Variants in HMCN1 observed in about 807,000 individuals in gnomAD.
The protein encoded by HMCN1 is hemicentin-1.
In HMCN1, 321 loss-of-function variants were observed where a neutral mutation model predicts 625.9. The ratio of observed to expected loss-of-function variants is 0.51; its 90% confidence interval spans 0.47 to 0.56. HMCN1 has a LOEUF of 0.56. Ranked by LOEUF, HMCN1 falls within the 20% of genes least tolerant of loss-of-function variation. The pLI is 0.00. For missense variants in HMCN1, 6,588 were observed against 6,887.3 expected (o/e 0.96, Z 1.54); for synonymous variants, 2,425 against 2,417.6 (o/e 1.00, Z -0.09).
chr1:185,916,020 A>G (rs1666680347), intron 6 of HMCN1, among the ~76,000 whole-genome samples: 2 of 151,930 alleles, frequency 1.3e-5, no homozygotes, highest in Non-Finnish European at 2.9e-5. Flanking sequence ...ACACTTAGGT[A>G]CACATGCACA....
At position 185,991,712 on chromosome 1, in the gene HMCN1, T is replaced by TA. The variant is rs527701139; in HGVS notation, c.3377+1280dup. Among the ~76,000 whole-genome samples the TA allele has an allele frequency of 8.4e-3, 1,251 of 148,466 alleles. 12 individuals carry two copies. The highest frequency in any genetic ancestry group is 0.022 in the East Asian group (113 of 5,098). Reference sequence around the variant, plus strand: ...ATTCTGGTTTGTTTATTCTTTTTTTTAAAAAAAAAAACAAGGCTTTTCAGT... The same window carrying TA: ...ATTCTGGTTTGTTTATTCTTTTTTTTAAAAAAAAAAAACAAGGCTTTTCAGT... On this transcript the variant is annotated intron_variant, in intron 22 of 106. Coordinates refer to ENST00000271588, the MANE Select transcript of HMCN1 (RefSeq NM_031935.3).
At chr1:186,159,177 T>A (rs1470949941) in intron 97 of HMCN1, among the ~76,000 whole-genome samples, 1 of 152,104 alleles carries the variant, frequency 6.6e-6, no homozygotes, top group East Asian at 1.9e-4. Context: ...CTAGGTATTT[T>A]ATTCTCTTTG....
intron 86 of HMCN1, among the ~76,000 whole-genome samples, chr1:186,135,041 T>G (rs1649512485): frequency 6.6e-6 from 1 of 152,208 alleles, no homozygotes; most frequent in Non-Finnish European, 1.5e-5. Context: ...TCTCTCCAAG[T>G]GTTCTCCCCT....
chr1:185,923,641 A>C lies in HMCN1; in HGVS notation c.1273A>C (p.Ser425Arg), dbSNP rs766038716. The change falls in exon 8 of 107, where the codon AGT becomes CGT. Residue 425 changes from serine (S) to arginine (R), a missense_variant. Coordinates refer to ENST00000271588, the MANE Select transcript of HMCN1 (RefSeq NM_031935.3). ...GAGAGTATCAAGTGTTTCCTTTTCT[A>C]GTATTGTCCCAGGTGAGACATCATT... ...FQRVSSVSFS[S>R]IVPDAPKVTM... The C allele has an allele frequency of 6.2e-7, 1 of 1,603,270 alleles. No individual in the cohort carries two copies. Among genetic ancestry groups the C allele is most frequent in the African/African-American group, 1.3e-5 (1 of 74,852 alleles).
Position 186,055,136 on chromosome 1 carries a change from A to C in HMCN1, c.6863-257A>C, listed in dbSNP as rs536640338. On this transcript the variant is annotated intron_variant, in intron 44 of 106. Coordinates refer to ENST00000271588, the MANE Select transcript of HMCN1 (RefSeq NM_031935.3). Reference sequence around the variant, plus strand: ...GTTCAAATATTTGTATAGCTTCTCAAAAGTGGGAAGTTAGTGAACACAGCA... The same window carrying C: ...GTTCAAATATTTGTATAGCTTCTCACAAGTGGGAAGTTAGTGAACACAGCA... Among the ~76,000 whole-genome samples, 3 of 152,136 alleles carry C rather than the reference A, an allele frequency of 2.0e-5. No homozygotes were observed. In the South Asian group the frequency reaches 6.2e-4, roughly 32 times the overall value.
intron 1 of HMCN1, among the ~76,000 whole-genome samples, chr1:185,758,958 G>A (rs1655308952): frequency 6.6e-6 from 1 of 152,088 alleles, no homozygotes; most frequent in African/African-American, 2.4e-5. Flanking sequence ...GGGTATGCCT[G>A]CTAATATCAG....
intron 2 of HMCN1, among the ~76,000 whole-genome samples, chr1:185,859,729 G>C (rs892602658): frequency 6.6e-6 from 1 of 151,938 alleles, no homozygotes; most frequent in Non-Finnish European, 1.5e-5. Context: ...GTAGTGGTGC[G>C]ATCTCGATTC....
rs184285165 is a variant in HMCN1 at position 186,061,263 on chromosome 1, T to C, written c.7313-588T>C. On this transcript the variant is annotated intron_variant, in intron 46 of 106. Transcript: ENST00000271588. ...GGAGGCCTCAGGAAACTTAAAATTA[T>C]GGCAGAAGGGGAAGCAGGCACCTTC... Among the ~76,000 whole-genome samples, 41 of 152,248 alleles carry C rather than the reference T, an allele frequency of 2.7e-4. No individual in the cohort carries two copies. The East Asian group carries it at 5.8e-3, about 22-fold the overall frequency.
chr1:186,116,532 G>C (rs1355207759), intron 75 of HMCN1, among the ~76,000 whole-genome samples: 1 of 151,988 alleles, frequency 6.6e-6, no homozygotes, highest in Non-Finnish European at 1.5e-5. Context: ...ACACAGACTT[G>C]TCATTAGCCA....
intron 4 of HMCN1, among the ~76,000 whole-genome samples, chr1:185,905,991 T>C (rs1666077541): frequency 6.6e-6 from 1 of 151,864 alleles, no homozygotes; most frequent in South Asian, 2.1e-4. Flanking sequence ...TATCTAGGGA[T>C]TTAAAAAGCT....
chr1:185,982,180 C>T (rs1356074146), intron 17 of HMCN1, 82 bp from the exon 18 acceptor site: 1 of 1,317,056 alleles, frequency 7.6e-7, no homozygotes, highest in Non-Finnish European at 1.1e-6. Context: ...GCATAACTAA[C>T]AGTCTTTGGG....
At chr1:186,057,459 C>G (rs751971628) in intron 46 of HMCN1, 58 bp downstream of exon 46, 25 of 1,203,212 alleles carry the variant, frequency 2.1e-5, no homozygotes, top group Non-Finnish European at 3.1e-5. Flanking sequence ...TACAATTTCT[C>G]CTTAATTTCA....
chr1:185,891,743 A>T, intron 4 of HMCN1, among the ~76,000 whole-genome samples: 1 of 147,590 alleles, frequency 6.8e-6, no homozygotes, highest in Non-Finnish European at 1.5e-5. Flanking sequence ...TGCCCTTAAC[A>T]TTTTTTCCTT....
chr1:185,925,229 T>C, intron 9 of HMCN1, 38 bp downstream of exon 9: 1 of 1,570,658 alleles, frequency 6.4e-7, no homozygotes, highest in Non-Finnish European at 8.8e-7. Flanking sequence ...GATTCAGCAT[T>C]TAACATGTAA....
intron 4 of HMCN1, among the ~76,000 whole-genome samples, chr1:185,901,658 A>G (rs1665815074): frequency 6.6e-6 from 1 of 151,820 alleles, no homozygotes; most frequent in African/African-American, 2.4e-5. Context: ...TTTAGTTTCC[A>G]GCATAACTTT....
chr1:185,736,642 C>T (rs7364387), intron 1 of HMCN1, among the ~76,000 whole-genome samples: 70 of 152,228 alleles, frequency 4.6e-4, no homozygotes, highest in Non-Finnish European at 6.8e-4. Context: ...ACATGGATAC[C>T]GGACTATCCT....
intron 4 of HMCN1, among the ~76,000 whole-genome samples, chr1:185,887,757 G>A (rs1036394102): frequency 4.7e-4 from 66 of 139,590 alleles, no homozygotes; most frequent in Non-Finnish European, 8.9e-4. Context: ...GAATAATGCC[G>A]CAATAAACAT....
intron 100 of HMCN1, among the ~76,000 whole-genome samples, chr1:186,170,346 G>C (rs751297013): frequency 6.6e-6 from 1 of 152,176 alleles, no homozygotes; most frequent in Non-Finnish European, 1.5e-5. Flanking sequence ...TACATTGTTG[G>C]TGGGTGTATA....
chr1:186,068,036 T>C (rs759546467), intron 50 of HMCN1, 29 bp downstream of exon 50: 31 of 1,558,096 alleles, frequency 2.0e-5, no homozygotes, highest in Non-Finnish European at 2.6e-5. Flanking sequence ...ATGTCCAAGA[T>C]GCATCTGCGT....
Sources: allele counts gnomAD v4.1 joint callset (sites outside exome capture counted in the v4.1 genomes callset), GRCh38; gene constraint gnomAD v4.1.1; transcripts MANE v1.5; gene names NCBI Gene and HGNC (gene_info 2026-07-23, HGNC 2026-07-21).